EIF2AK4: variants seen among roughly 807,000 people sequenced by gnomAD.
The protein encoded by EIF2AK4 is eukaryotic translation initiation factor 2 alpha kinase 4, also known as eIF-2-alpha kinase GCN2.
EIF2AK4 carries 139 observed loss-of-function variants against 211.1 expected under a neutral mutation model. That is an observed-to-expected ratio of 0.66 (90% CI 0.57 to 0.76). EIF2AK4 has a LOEUF of 0.76. EIF2AK4 is among the 30% of genes least tolerant of loss of function. EIF2AK4 has a pLI of 0.00. For synonymous variants in EIF2AK4, 710 were observed against 751.3 expected (o/e 0.94, Z 0.90); for missense variants, 1,664 against 2,043.8 (o/e 0.81, Z 3.58).
At chr15:39,977,210 C>A in intron 12 of EIF2AK4, 1 of 182,090 alleles carries the variant, frequency 5.5e-6, no homozygotes, top group East Asian at 1.3e-4. Flanking sequence ...CGGTCCCCAG[C>A]GTTTTTAGGC....
In EIF2AK4 at chr15:39,976,572, C is replaced by CGAGCGGCCG. The variant is rs765908442; in HGVS notation, c.1979_1987dup (p.Glu660_Pro662dup). ...ACTACAACGCCTGGATCGAGCGGCA[C>CGAGCGGCCG]GAGCGGCCGGCGGGACCGGGGACGC... On this transcript the variant is annotated inframe_insertion, in exon 12 of 39. Coordinates refer to ENST00000263791, the MANE Select transcript of EIF2AK4 (RefSeq NM_001013703.4). The CGAGCGGCCG allele has an allele frequency of 1.2e-6, 2 of 1,611,858 alleles. No homozygotes were observed. Among genetic ancestry groups the CGAGCGGCCG allele is most frequent in the East Asian group, 4.5e-5 (2 of 44,824 alleles).
chr15:39,972,828 A>G (rs2034643168), intron 9 of EIF2AK4, 80 bp from the exon 10 acceptor site: 2 of 1,068,566 alleles, frequency 1.9e-6, no homozygotes, highest in Admixed American at 4.0e-5. Context: ...TAAAAAATAA[A>G]CCCATAGTTA....
rs769613889 is a variant in EIF2AK4 at position 40,009,716 on chromosome 15, C to T, written c.3679C>T (p.Leu1227=). Residue 1227 remains leucine (L), a synonymous_variant, in exon 26 of 39, where the codon CTG becomes TTG. Coordinates refer to ENST00000263791, the MANE Select transcript of EIF2AK4 (RefSeq NM_001013703.4). The stretch of plus-strand genomic sequence containing the variant: ...TAAACTCAGTCAAGTCTACATTATT[C>T]TGTATGATGCTGTGGTAAGCATTTA... ...EDKLSQVYII[L]YDAVTEKLTR... The T allele has an allele frequency of 5.7e-6, 9 of 1,587,196 alleles. No homozygotes were observed. The Admixed American group carries it at 8.6e-5, about 15-fold the overall frequency.
chr15:39,948,259 G>A (rs1421427210), intron 3 of EIF2AK4, among the ~76,000 whole-genome samples: 1 of 152,186 alleles, frequency 6.6e-6, no homozygotes, highest in Non-Finnish European at 1.5e-5. Context: ...CTTTAGAAAC[G>A]GTTTCAAACA....
chr15:39,999,242 A>T (rs2412458), intron 20 of EIF2AK4, among the ~76,000 whole-genome samples: 151,152 of 152,296 alleles, frequency 0.99, 75,015 homozygotes, highest in East Asian at 1. Context: ...AGCAAAATAA[A>T]TTCTCCTATA....
At position 39,973,679 on chromosome 15, in the gene EIF2AK4, T is replaced by G; in HGVS notation, c.1748T>G (p.Phe583Cys). The G allele has an allele frequency of 6.2e-7, 1 of 1,614,168 alleles. No individual in the cohort carries two copies. ...TTCTTTAGTGAGACACAGAGACAGT[T>G]TTCCCGATACTTCATTGAGTTTGAA... Reference protein sequence around the residue: ...AAFFSETQRQFSRYFIEFEEL... With the variant: ...AAFFSETQRQCSRYFIEFEEL... Residue 583 changes from phenylalanine (F) to cysteine (C), a missense_variant, in exon 11 of 39, where the codon TTT (phenylalanine) becomes TGT (cysteine). Physicochemically the swap from Phe to Cys is radical, Grantham distance 205. Around this residue, in one of 7 missense-constraint regions of EIF2AK4, gnomAD observed 641 missense variants for 729.6 expected, o/e 0.88. Coordinates refer to ENST00000263791, the MANE Select transcript of EIF2AK4 (RefSeq NM_001013703.4).
At chr15:40,020,831 G>A (rs1357862796) in intron 30 of EIF2AK4, 68 bp from the exon 31 acceptor site, 2 of 1,436,196 alleles carry the variant, frequency 1.4e-6, no homozygotes, top group Non-Finnish European at 1.9e-6. Flanking sequence ...CTCCCCTCCT[G>A]ATGCTGGTTT....
chr15:40,008,656 G>A (rs2035194992), intron 25 of EIF2AK4, among the ~76,000 whole-genome samples: 1 of 152,034 alleles, frequency 6.6e-6, no homozygotes, highest in Non-Finnish European at 1.5e-5. Context: ...TCAGTCAAAT[G>A]TTCCCTTGTC....
rs1362194037 is a variant in EIF2AK4, at chr15:39,976,855, G to A, written c.2249+11G>A. 1 of 1,461,232 alleles carries A rather than the reference G, an allele frequency of 6.8e-7. No individual in the cohort carries two copies. The highest frequency in any genetic ancestry group is 2.7e-5 in the East Asian group (1 of 37,326). The allele number at this position is 1,461,232 out of a possible 1,614,324, so 90.5% of individuals were successfully genotyped here. ...CTCCCAGTCCTTCCTGTAAGCGCAC[G>A]GCGCGGACCAGCTGCCTCTGATGCG... On this transcript the variant is annotated intron_variant, in intron 12 of 38. Coordinates refer to ENST00000263791, the MANE Select transcript of EIF2AK4 (RefSeq NM_001013703.4).
intron 14 of EIF2AK4, among the ~76,000 whole-genome samples, chr15:39,987,259 G>A (rs534989626): frequency 1.1e-4 from 16 of 152,316 alleles, no homozygotes; most frequent in Middle Eastern, 3.4e-3. Context: ...GCATCAGAGG[G>A]GGCCTTGTGA....
At chr15:39,998,633 A>G (rs536154061) in intron 19 of EIF2AK4, 98 bp from the exon 20 acceptor site, 22 of 958,942 alleles carry the variant, frequency 2.3e-5, no homozygotes, top group Non-Finnish European at 2.9e-5. Flanking sequence ...TTGCTAGCAA[A>G]TTTTTATTTC....
intron 21 of EIF2AK4, 102 bp downstream of exon 21, chr15:40,001,326 A>G (rs2035088182): frequency 1.7e-6 from 2 of 1,188,144 alleles, no homozygotes; most frequent in East Asian, 4.8e-5. Flanking sequence ...ATAAGTTCTT[A>G]TGTGAGGTAT....
At position 39,934,331 on chromosome 15, in the gene EIF2AK4, T is replaced by C. The variant is rs1272475955; in HGVS notation, c.136T>C (p.Cys46Arg). The stretch of plus-strand genomic sequence containing the variant: ...CTTCCAAGACCTGCGGCCGGACGCT[T>C]GCGGACCGGTAGGAACGTGGCTTGT... The part of the protein sequence containing the change: ...ADFQDLRPDA[C>R]GPVKEPPEIN... Residue 46 changes from cysteine to arginine, a missense_variant, in exon 1 of 39, where the codon TGC (cysteine) becomes CGC (arginine). Cys to Arg is a radical substitution (Grantham distance 180). Transcript: ENST00000263791. The C allele has an allele frequency of 1.9e-6, 3 of 1,608,344 alleles. No homozygotes were observed. The highest frequency in any genetic ancestry group is 2.5e-6 in the Non-Finnish European group (3 of 1,177,614).
intron 18 of EIF2AK4, among the ~76,000 whole-genome samples, chr15:39,995,509 A>G (rs1356265361): frequency 1.3e-5 from 2 of 151,446 alleles, no homozygotes; most frequent in African/African-American, 2.4e-5. Flanking sequence ...TCCCTTCCCA[A>G]CGCCATCTTC....
intron 37 of EIF2AK4, 73 bp downstream of exon 37, chr15:40,032,874 T>G (rs2035562018): frequency 7.6e-7 from 1 of 1,311,536 alleles, no homozygotes; most frequent in African/African-American, 1.5e-5. Flanking sequence ...GCCAAAATAC[T>G]GAAGACGGCA....
chr15:39,955,500 A>C, intron 5 of EIF2AK4, 120 bp from the exon 6 acceptor site: 1 of 990,854 alleles, frequency 1.0e-6, no homozygotes, highest in South Asian at 1.7e-5. Context: ...GTTCAATTTT[A>C]TTTCACTTGT....
At chr15:39,971,018 C>T (rs893418835) in intron 9 of EIF2AK4, among the ~76,000 whole-genome samples, 1 of 152,148 alleles carries the variant, frequency 6.6e-6, no homozygotes, top group Non-Finnish European at 1.5e-5. Flanking sequence ...GAACTCACAA[C>T]GACAGTTGAT....
intron 29 of EIF2AK4, among the ~76,000 whole-genome samples, chr15:40,018,704 T>C (rs2035342641): frequency 6.6e-6 from 1 of 152,230 alleles, no homozygotes; most frequent in Non-Finnish European, 1.5e-5. Flanking sequence ...TAACTTAGTA[T>C]ATCCAAAATA....
intron 4 of EIF2AK4, among the ~76,000 whole-genome samples, chr15:39,949,801 A>G (rs796662157): frequency 2.7e-4 from 41 of 152,160 alleles, no homozygotes; most frequent in African/African-American, 9.9e-4. Flanking sequence ...CTAAATGGTT[A>G]CCATTTGTAT....
Sources: gnomAD v4.1 joint callset for allele counts (sites outside exome capture counted in the v4.1 genomes callset) on GRCh38, gnomAD v4.1.1 for gene constraint, gnomAD v4.1.1 regional missense constraint, MANE v1.5 for transcripts, NCBI Gene and HGNC (gene_info 2026-07-23, HGNC 2026-07-21) for gene names.